The following TTC7A variants were observed in gnomAD, a reference collection of about 807,000 sequenced individuals.
TTC7A encodes the protein tetratricopeptide repeat protein 7A.
In TTC7A, 110 loss-of-function variants were observed where a neutral mutation model predicts 103.7. The observed-to-expected ratio is 1.06, with a 90% CI of 0.91 to 1.24. TTC7A has a LOEUF of 1.24. TTC7A is among the 50% of genes most tolerant of loss of function. The probability of loss-of-function intolerance (pLI) is 0.00; values close to 1 mark genes in which losing one functional copy is unlikely to be tolerated. For missense variants in TTC7A, 1,340 were observed against 1,116.3 expected (o/e 1.20, Z -2.86); for synonymous variants, 521 against 467.9 (o/e 1.11, Z -1.47).
intron 11 of TTC7A, among the ~76,000 whole-genome samples, chr2:47,020,109 TAGCACAGGGCCTGG>T (rs141226471): frequency 0.017 from 2,599 of 152,208 alleles, 67 homozygotes; most frequent in African/African-American, 0.059. Flanking sequence ...CCGCCAGGCC[TAGCACAGGGCCTGG>T]AGCTACAAAA....
At chr2:47,018,644 G>C (rs1678948217) in intron 11 of TTC7A, among the ~76,000 whole-genome samples, 1 of 149,088 alleles carries the variant, frequency 6.7e-6, no homozygotes, top group Non-Finnish European at 1.5e-5. Flanking sequence ...TAAGAAAGTA[G>C]ATATCATATA....
intron 11 of TTC7A, among the ~76,000 whole-genome samples, chr2:47,020,809 G>A (rs1421069061): frequency 6.6e-6 from 1 of 152,220 alleles, no homozygotes; most frequent in Non-Finnish European, 1.5e-5. Context: ...GTGTCCAGTG[G>A]TCAGGCCCAA....
chr2:46,924,325 C>T (rs1051873536), intron 2 of TTC7A, among the ~76,000 whole-genome samples: 1 of 151,532 alleles, frequency 6.6e-6, no homozygotes, highest in Non-Finnish European at 1.5e-5. Context: ...ACATTCTTCC[C>T]TTCTCTCCAC....
chr2:47,015,785 G>A (rs1678589870), intron 11 of TTC7A, among the ~76,000 whole-genome samples: 1 of 152,222 alleles, frequency 6.6e-6, no homozygotes, highest in Non-Finnish European at 1.5e-5. Flanking sequence ...GGCAGAGCCA[G>A]GAAGATGGAT....
At chr2:46,937,927 T>C (rs1572661700), upstream of TTC7A, among the ~76,000 whole-genome samples, 1 of 152,150 alleles carries the variant, frequency 6.6e-6, no homozygotes, top group East Asian at 1.9e-4. This position sits in a 1 kb window ranked among gnomAD's most constrained non-coding sequence, Gnocchi z 4.0. Flanking sequence ...CTACTGTGTA[T>C]ATATATGTAA....
chr2:47,055,219 C>T (rs923199388), intron 18 of TTC7A, among the ~76,000 whole-genome samples: 2 of 152,212 alleles, frequency 1.3e-5, no homozygotes, highest in East Asian at 3.8e-4. Context: ...ATGCCTTGAT[C>T]ATTTTGGAAG....
intron 3 of TTC7A, among the ~76,000 whole-genome samples, chr2:46,961,333 T>C (rs1004587888): frequency 2.0e-5 from 3 of 152,126 alleles, no homozygotes; most frequent in Non-Finnish European, 2.9e-5. Flanking sequence ...TCCTAGCACA[T>C]TGGGAGGCCG....
chr2:46,956,612 C>T, intron 2 of TTC7A: 1 of 561,160 alleles, frequency 1.8e-6, no homozygotes, highest in Non-Finnish European at 3.2e-6. Context: ...ACACATGAAA[C>T]AATTAGGGAC....
At chr2:47,038,120 G>A (rs973288204) in intron 15 of TTC7A, among the ~76,000 whole-genome samples, 2 of 152,172 alleles carry the variant, frequency 1.3e-5, no homozygotes, top group East Asian at 1.9e-4. Flanking sequence ...TAAGCCAGGC[G>A]TGGTGGCGCA....
At chr2:46,921,223 A>G (rs1669086396) in intron 2 of TTC7A, among the ~76,000 whole-genome samples, 1 of 152,246 alleles carries the variant, frequency 6.6e-6, no homozygotes, top group African/African-American at 2.4e-5. Context: ...AAGAAAAAGT[A>G]AAAGTATCTT....
At chr2:47,049,661 G>T (rs1682671656) in intron 16 of TTC7A, among the ~76,000 whole-genome samples, 1 of 152,084 alleles carries the variant, frequency 6.6e-6, no homozygotes, top group East Asian at 1.9e-4. Context: ...CCCCTGGCCT[G>T]GGGAGCTTCT....
chr2:47,024,389 T>A, intron 14 of TTC7A, 30 bp downstream of exon 14: 1 of 1,578,652 alleles, frequency 6.3e-7, no homozygotes, highest in Non-Finnish European at 8.6e-7. Flanking sequence ...AACCCCCGGG[T>A]CCTCGGGGGC....
At position 47,022,156 on chromosome 2, in the gene TTC7A, C is replaced by T. The variant is rs3814037; in HGVS notation, c.1510+177C>T. On this transcript the variant is annotated intron_variant, in intron 12 of 19. Coordinates refer to ENST00000319190, the MANE Select transcript of TTC7A (RefSeq NM_020458.4). ...ACATACACACGTGCATACACACACG[C>T]GCCCCTCAGACCCATTTCCACTGTT... 0.062 allele frequency among the ~76,000 whole-genome samples: 9,469 copies of T among 152,264 alleles called. 438 individuals are homozygous for T. Among genetic ancestry groups the T allele is most frequent in the African/African-American group, 0.12 (5,142 of 41,534 alleles).
intron 18 of TTC7A, among the ~76,000 whole-genome samples, chr2:47,054,835 CAAA>C (rs71399005): frequency 8.6e-6 from 1 of 115,656 alleles, no homozygotes; most frequent in Non-Finnish European, 1.9e-5. Flanking sequence ...GACCCTGTCT[CAAA>C]AAAAAAAAAA....
At chr2:47,054,813 C>A (rs1683175475) in intron 18 of TTC7A, among the ~76,000 whole-genome samples, 1 of 142,808 alleles carries the variant, frequency 7.0e-6, no homozygotes, top group African/African-American at 2.7e-5. Flanking sequence ...CCAGCCTGGG[C>A]AATGGGAGTG....
intron 3 of TTC7A, among the ~76,000 whole-genome samples, chr2:46,965,167 T>G (rs1253852553): frequency 1.3e-5 from 2 of 152,376 alleles, no homozygotes; most frequent in Non-Finnish European, 2.9e-5. Context: ...CTTTTTTTAC[T>G]GTTCTCTTTT....
At chr2:47,041,609 C>T (rs541334193) in intron 15 of TTC7A, among the ~76,000 whole-genome samples, 5 of 152,214 alleles carry the variant, frequency 3.3e-5, no homozygotes, top group East Asian at 3.9e-4. Flanking sequence ...AAAAATTAGC[C>T]GGGCCTGGTG....
At chr2:46,956,460 C>G (rs1006889305) in intron 2 of TTC7A, among the ~76,000 whole-genome samples, 1 of 152,182 alleles carries the variant, frequency 6.6e-6, no homozygotes, top group Admixed American at 6.5e-5. Flanking sequence ...AACTCCATCT[C>G]TGACTCCCCA....
At position 46,994,167 on chromosome 2, in the gene TTC7A, G is replaced by A. The variant is rs553944433; in HGVS notation, c.844-190G>A. On this transcript the variant is annotated intron_variant, in intron 6 of 19. Transcript: ENST00000319190. ...GGAGCCGTCTGAGGCCAGCAGAGGG[G>A]TGGGAGCGCCAGTGTTGGAGGGACT... 4.6e-5 allele frequency: 29 copies of A among 628,928 alleles called. 1 individual carries two copies. In the East Asian group the frequency reaches 8.0e-4, roughly 17 times the overall value. 39.0% of individuals were successfully genotyped at this position (628,928 alleles called of 1,614,324 possible). A position where few individuals can be genotyped will look rare whatever the true frequency, so the allele number is the denominator to read the frequency against.
Sources: allele counts gnomAD v4.1 joint callset (sites outside exome capture counted in the v4.1 genomes callset), GRCh38; gene constraint gnomAD v4.1.1; non-coding constraint Gnocchi (gnomAD v3.1); transcripts MANE v1.5; gene names NCBI Gene and HGNC (gene_info 2026-07-23, HGNC 2026-07-21).